Variants in CDH18 observed in about 807,000 individuals in gnomAD.
CDH18 encodes cadherin 18.
A neutral mutation model predicts 67.9 loss-of-function variants in CDH18; 31 were observed. The observed-to-expected ratio is 0.46, with a 90% CI of 0.34 to 0.62. CDH18 has a LOEUF of 0.62. Ranked by LOEUF, CDH18 falls within the 20% of genes least tolerant of loss-of-function variation. The probability of loss-of-function intolerance (pLI) is 0.01; values close to 1 mark genes in which losing one functional copy is unlikely to be tolerated. For missense variants in CDH18, 890 were observed against 975.5 expected, an observed-to-expected ratio of 0.91 and a Z score of 1.17; for synonymous variants, 362 against 347.2, an observed-to-expected ratio of 1.04 and a Z score of -0.48.
intron 2 of CDH18, among the ~76,000 whole-genome samples, chr5:20,047,368 A>T (rs1176996328): frequency 2.0e-5 from 3 of 151,946 alleles, no homozygotes; most frequent in Non-Finnish European, 4.4e-5. Context: ...AATACATGCG[A>T]AATCATTTGA....
chr5:20,488,714 A>T (rs1753379420), intron 1 of CDH18, among the ~76,000 whole-genome samples: 1 of 130,476 alleles, frequency 7.7e-6, no homozygotes, highest in Non-Finnish European at 1.7e-5. Flanking sequence ...CACACATACA[A>T]TTGTTTATCA....
intron 2 of CDH18, among the ~76,000 whole-genome samples, chr5:20,211,261 G>A (rs527907802): frequency 3.1e-4 from 47 of 152,214 alleles, no homozygotes; most frequent in Non-Finnish European, 5.4e-4. Flanking sequence ...CGGGAAGCTC[G>A]AACTGGGCAG....
chr5:20,418,953 G>A (rs1466228025), intron 1 of CDH18, among the ~76,000 whole-genome samples: 2 of 151,898 alleles, frequency 1.3e-5, no homozygotes, highest in Non-Finnish European at 2.9e-5. Flanking sequence ...TTCACTATGC[G>A]AGGACAGAGC....
At chr5:19,604,999 A>G (rs1747795480) in intron 6 of CDH18, among the ~76,000 whole-genome samples, 1 of 152,002 alleles carries the variant, frequency 6.6e-6, no homozygotes, top group African/African-American at 2.4e-5. Flanking sequence ...AGGTGTGCAA[A>G]TTGATTTGTA....
chr5:19,709,624 AAGAG>A (rs1170748577), intron 5 of CDH18, among the ~76,000 whole-genome samples: 1 of 151,582 alleles, frequency 6.6e-6, no homozygotes, highest in Non-Finnish European at 1.5e-5. Flanking sequence ...GAATGACAGA[AAGAG>A]AGAAAGAGAG....
At chr5:20,453,595 ATG>A (rs1206398357) in intron 1 of CDH18, among the ~76,000 whole-genome samples, 2 of 151,444 alleles carry the variant, frequency 1.3e-5, no homozygotes, top group Admixed American at 6.6e-5. Flanking sequence ...GTGTGTGTAT[ATG>A]TATATATATG....
chr5:20,172,194 A>G lies in CDH18; in HGVS notation c.-518+83250T>C, dbSNP rs28602501. 8.5e-3 allele frequency among the ~76,000 whole-genome samples: 348 copies of G among 40,806 alleles called. 6 individuals carry two copies. Among genetic ancestry groups the G allele is most frequent in the African/African-American group, 0.046 (290 of 6,290 alleles). 26.8% of individuals were successfully genotyped at this position (40,806 alleles called of 152,430 possible). On this transcript the variant is annotated intron_variant, in intron 2 of 14. Coordinates refer to the CDH18 transcript ENST00000507958. ...TTGATATCAATAGCATTGTGTGTAT[A>G]TATATATATATATATATATATATAT...
intron 2 of CDH18, among the ~76,000 whole-genome samples, chr5:19,849,504 C>A (rs1361667093): frequency 6.6e-6 from 1 of 151,292 alleles, no homozygotes; most frequent in Non-Finnish European, 1.5e-5. Flanking sequence ...TCATACAATA[C>A]CCAGATGCCA....
At chr5:19,902,403 C>T (rs1337712513) in intron 2 of CDH18, among the ~76,000 whole-genome samples, 2 of 152,016 alleles carry the variant, frequency 1.3e-5, no homozygotes, top group Non-Finnish European at 2.9e-5. Context: ...CTTGAAATGG[C>T]TTATTCCCAG....
At chr5:20,269,862 T>C (rs1745308535) in intron 1 of CDH18, among the ~76,000 whole-genome samples, 1 of 152,052 alleles carries the variant, frequency 6.6e-6, no homozygotes, top group African/African-American at 2.4e-5. Context: ...TATACCCCCA[T>C]ATATGTATAC....
chr5:19,545,558 G>GA (rs1214293639), intron 8 of CDH18, among the ~76,000 whole-genome samples: 3 of 152,146 alleles, frequency 2.0e-5, no homozygotes, highest in African/African-American at 7.2e-5. Flanking sequence ...GAAGATGATG[G>GA]AAAAAAGTGT....
At chr5:20,066,700 A>G (rs1267224762) in intron 2 of CDH18, among the ~76,000 whole-genome samples, 1 of 152,054 alleles carries the variant, frequency 6.6e-6, no homozygotes, top group Non-Finnish European at 1.5e-5. Context: ...ACAGTAAGAA[A>G]AAGTAGGTAT....
chr5:20,205,237 C>T (rs1329721453), intron 2 of CDH18, among the ~76,000 whole-genome samples: 2 of 151,876 alleles, frequency 1.3e-5, no homozygotes, highest in Non-Finnish European at 2.9e-5. Flanking sequence ...AGGAACTATA[C>T]ACATAACATA....
intron 9 of CDH18, among the ~76,000 whole-genome samples, chr5:19,535,152 T>A (rs1485108652): frequency 2.0e-5 from 3 of 152,198 alleles, no homozygotes; most frequent in African/African-American, 7.2e-5. Context: ...AACACACTAT[T>A]GTTTATTGAT....
intron 2 of CDH18, among the ~76,000 whole-genome samples, chr5:19,892,156 T>C (rs1296117851): frequency 1.3e-5 from 2 of 152,186 alleles, no homozygotes; most frequent in African/African-American, 4.8e-5. Context: ...AAGGTTTAAC[T>C]CTATTGCAAA....
chr5:19,973,699 G>C (rs1268961992), intron 2 of CDH18, among the ~76,000 whole-genome samples: 1 of 151,846 alleles, frequency 6.6e-6, no homozygotes, highest in Non-Finnish European at 1.5e-5. Context: ...TATGAGAGAA[G>C]GACATTTCAG....
chr5:19,484,862 G>A (rs1740108482), intron 11 of CDH18, among the ~76,000 whole-genome samples: 1 of 152,138 alleles, frequency 6.6e-6, no homozygotes, highest in Non-Finnish European at 1.5e-5. Context: ...TTCAACTCCA[G>A]GGAACTCAAT....
chr5:19,824,030 T>G (rs769986110), intron 3 of CDH18, among the ~76,000 whole-genome samples: 1 of 149,764 alleles, frequency 6.7e-6, no homozygotes, highest in African/African-American at 2.5e-5. Flanking sequence ...CTAGGGGAAA[T>G]AGAAATACAA....
At chr5:20,356,054 G>A (rs1741580241) in intron 1 of CDH18, among the ~76,000 whole-genome samples, 1 of 152,074 alleles carries the variant, frequency 6.6e-6, no homozygotes, top group Non-Finnish European at 1.5e-5. Context: ...TTCGATCAAA[G>A]CATTAAAATT....
Sources: gnomAD v4.1 joint callset for allele counts (sites outside exome capture counted in the v4.1 genomes callset) on GRCh38, gnomAD v4.1.1 for gene constraint, MANE v1.5 for transcripts, NCBI Gene and HGNC (gene_info 2026-07-23, HGNC 2026-07-21) for gene names.